Variants in DNAH11 observed in about 807,000 individuals in gnomAD.
The protein encoded by DNAH11 is axonemal beta dynein heavy chain 11.
A neutral mutation model predicts 526.0 loss-of-function variants in DNAH11; 442 were observed. The ratio of observed to expected loss-of-function variants is 0.84; its 90% CI spans 0.78 to 0.91. The LOEUF is 0.91. DNAH11 is among the 40% of genes least tolerant of loss of function. The pLI is 0.00. For missense variants in DNAH11, 6,989 were observed against 5,448.7 expected (o/e 1.28, Z -8.90); for synonymous variants, 2,461 against 1,935.9 (o/e 1.27, Z -7.12).
At chr7:21,800,659 G>A (rs972975559) in intron 61 of DNAH11, among the ~76,000 whole-genome samples, 5 of 152,038 alleles carry the variant, frequency 3.3e-5, no homozygotes, top group Admixed American at 2.0e-4. Flanking sequence ...AATCCGATTG[G>A]CGAAGCTGGG....
intron 74 of DNAH11, among the ~76,000 whole-genome samples, chr7:21,880,501 A>G (rs1783876246): frequency 6.6e-6 from 1 of 152,268 alleles, no homozygotes; most frequent in African/African-American, 2.4e-5. Context: ...AAGCAAAATA[A>G]AAGTATTCCT....
intron 56 of DNAH11, among the ~76,000 whole-genome samples, chr7:21,776,561 C>G (rs866395355): frequency 1.3e-5 from 2 of 152,136 alleles, no homozygotes; most frequent in Non-Finnish European, 2.9e-5. Flanking sequence ...CCTTTTATAG[C>G]CAAATAACCT....
At position 21,775,235 on chromosome 7, in the gene DNAH11, G is replaced by T. The variant is rs115344224; in HGVS notation, c.9336+1236G>T. Among the ~76,000 whole-genome samples the T allele has an allele frequency of 2.7e-3, 404 of 152,286 alleles. 2 individuals are homozygous for T. The highest frequency in any genetic ancestry group is 0.014 in the Middle Eastern group (4 of 294). ...CCAGGGTGAGTAGGTTTCCAGGACG[G>T]TTGGGATCAAGTGATATTAAGAATA... On this transcript the variant is annotated intron_variant, in intron 56 of 81. Transcript: ENST00000409508.
chr7:21,638,447 A>G (rs1343234373), intron 27 of DNAH11, among the ~76,000 whole-genome samples: 1 of 152,132 alleles, frequency 6.6e-6, no homozygotes, highest in African/African-American at 2.4e-5. Context: ...AGGGCAATAA[A>G]GTGGAACCAA....
At chr7:21,612,694 G>A (rs1785581358) in intron 20 of DNAH11, among the ~76,000 whole-genome samples, 1 of 151,934 alleles carries the variant, frequency 6.6e-6, no homozygotes, top group Admixed American at 6.6e-5. Flanking sequence ...ATTACTTTGT[G>A]AAGCATGTCT....
At chr7:21,820,955 G>A (rs1478271727) in intron 65 of DNAH11, among the ~76,000 whole-genome samples, 4 of 152,182 alleles carry the variant, frequency 2.6e-5, no homozygotes, top group African/African-American at 4.8e-5. Context: ...TCAGAGTCTA[G>A]TTAGTAAATA....
chr7:21,605,478 T>C (rs1785244452), intron 18 of DNAH11, among the ~76,000 whole-genome samples: 1 of 152,190 alleles, frequency 6.6e-6, no homozygotes, highest in African/African-American at 2.4e-5. Context: ...CAGAGTTGAG[T>C]TGGTACCTGA....
At chr7:21,839,825 T>C (rs1277906788) in intron 65 of DNAH11, among the ~76,000 whole-genome samples, 1 of 152,244 alleles carries the variant, frequency 6.6e-6, no homozygotes, top group Non-Finnish European at 1.5e-5. Context: ...TGAAGGTTTC[T>C]GTTGTCAGTG....
rs536885106 is a variant in DNAH11 at position 21,705,404 on chromosome 7, A to G, written c.6469-56A>G. ...AAGAATTGGGCAAAAATGGTAGATTATCTTTTTGTCACCAACTCCTTAAAG... is the reference window on the plus strand; with the variant it reads ...AAGAATTGGGCAAAAATGGTAGATTGTCTTTTTGTCACCAACTCCTTAAAG... On this transcript the variant is annotated intron_variant, in intron 38 of 81. Transcript: ENST00000409508. 8 of 1,583,450 alleles carry G rather than the reference A, an allele frequency of 5.1e-6. 1 individual carries two copies. In the South Asian group the frequency reaches 9.0e-5, roughly 18 times the overall value.
At chr7:21,653,100 T>A (rs1184082315) in intron 28 of DNAH11, among the ~76,000 whole-genome samples, 2 of 152,190 alleles carry the variant, frequency 1.3e-5, no homozygotes, top group African/African-American at 4.8e-5. Context: ...GGTTTGGAAC[T>A]CCTGACCTCA....
At chr7:21,599,638 G>A (rs1443416265) in intron 14 of DNAH11, 149 bp from the exon 15 acceptor site, 6 of 520,750 alleles carry the variant, frequency 1.2e-5, no homozygotes, top group Non-Finnish European at 1.9e-5. Flanking sequence ...TTGACATCTA[G>A]CTTAAGGTTC....
At chr7:21,714,370 ATCT>A (rs746718985) in intron 42 of DNAH11, among the ~76,000 whole-genome samples, 4 of 152,208 alleles carry the variant, frequency 2.6e-5, no homozygotes, top group Admixed American at 6.5e-5. Context: ...AATAATGGAA[ATCT>A]TCTCTAGAAG....
intron 61 of DNAH11, among the ~76,000 whole-genome samples, chr7:21,797,237 G>C (rs1788759318): frequency 6.7e-6 from 1 of 148,808 alleles, no homozygotes; most frequent in South Asian, 2.1e-4. Flanking sequence ...TTTTCCTTTT[G>C]AGACAGAGTT....
intron 8 of DNAH11, among the ~76,000 whole-genome samples, chr7:21,573,584 G>A (rs1373618245): frequency 1.3e-5 from 2 of 152,140 alleles, no homozygotes; most frequent in Non-Finnish European, 2.9e-5. Context: ...TTAATAAGCT[G>A]TTCATTTTGG....
At chr7:21,637,442 C>T (rs537023960) in intron 26 of DNAH11, among the ~76,000 whole-genome samples, 169 bp from the exon 27 acceptor site, 1 of 152,292 alleles carries the variant, frequency 6.6e-6, no homozygotes, top group South Asian at 2.1e-4. Context: ...TGATCTTCAT[C>T]TAAGAGTTGA....
In DNAH11 at chr7:21,901,392, G is replaced by GTATTTTTTTC. The variant is rs1784835730; in HGVS notation, c.*139_*140insATTTTTTTCT. 3 of 1,229,324 alleles carry GTATTTTTTTC rather than the reference G, an allele frequency of 2.4e-6. No homozygotes were observed. 76.2% of individuals were successfully genotyped at this position (1,229,324 alleles called of 1,614,324 possible). ...TTCTTTTTTCAACGCTATCCTTAGA[G>GTATTTTTTTC]TGAAAGTCAGAAAAAAATACTAGAA... On this transcript the variant is annotated 3_prime_UTR_variant, in exon 82 of 82. Transcript: ENST00000409508.
chr7:21,656,438 A>G (rs1172353915), intron 29 of DNAH11, among the ~76,000 whole-genome samples: 3 of 152,190 alleles, frequency 2.0e-5, no homozygotes, highest in African/African-American at 7.2e-5. Context: ...CTCCTCATAA[A>G]TAAAGTTGAT....
Position 21,880,794 on chromosome 7 carries a change from G to C in DNAH11, c.12288G>C (p.Arg4096Ser). ...ACGCCTGTGTTGCTGGGAGACTGAG[G>C]TTTGGCCCCCAGGGCTGGAGCCGAA... is the stretch of plus-strand genomic sequence containing the variant. ...YFHACVAGRL[R>S]FGPQGWSRSY... Residue 4096 changes from arginine (R) to serine (S), a missense_variant, in exon 75 of 82, where the codon AGG becomes AGC. By Grantham distance (110) the Arg-to-Ser change is moderately radical. Coordinates refer to ENST00000409508, the MANE Select transcript of DNAH11 (RefSeq NM_001277115.2). 6.2e-7 allele frequency: 1 copy of C among 1,613,942 alleles called. No individual in the cohort carries two copies.
intron 63 of DNAH11, among the ~76,000 whole-genome samples, chr7:21,811,354 G>T (rs1326128845): frequency 1.3e-5 from 2 of 151,972 alleles, no homozygotes; most frequent in African/African-American, 2.4e-5. Context: ...TATTCAGGAG[G>T]CTGAGGCAGG....
Sources: gnomAD v4.1 joint callset for allele counts (sites outside exome capture counted in the v4.1 genomes callset) on GRCh38, gnomAD v4.1.1 for gene constraint, MANE v1.5 for transcripts, NCBI Gene and HGNC (gene_info 2026-07-23, HGNC 2026-07-21) for gene names.